The following STX8 variants were observed in gnomAD, a reference collection of about 807,000 sequenced individuals.
STX8 encodes the protein syntaxin-8.
In STX8, 23 loss-of-function variants were observed where a neutral mutation model predicts 37.5. That is an observed-to-expected ratio of 0.61 (90% CI 0.44 to 0.87). STX8 has a LOEUF of 0.87. Among genes scored for constraint, STX8 ranks in the 40% least tolerant of loss-of-function variants. The pLI is 0.00. For missense variants in STX8, 313 were observed against 284.7 expected, an observed-to-expected ratio of 1.10 and a Z score of -0.71; for synonymous variants, 115 against 99.1, an observed-to-expected ratio of 1.16 and a Z score of -0.95.
intron 6 of STX8, among the ~76,000 whole-genome samples, chr17:9,395,477 C>T (rs1012118501): frequency 2.6e-5 from 4 of 152,076 alleles, no homozygotes; most frequent in African/African-American, 9.7e-5. Flanking sequence ...ACTTGGGAGC[C>T]TGAGGCAAGA....
At chr17:9,471,917 T>C (rs953656659) in intron 6 of STX8, among the ~76,000 whole-genome samples, 4 of 152,182 alleles carry the variant, frequency 2.6e-5, no homozygotes, top group African/African-American at 9.7e-5. Flanking sequence ...CCATTCCCGC[T>C]ATTCACAGTA....
chr17:9,413,098 G>GA (rs1344764423), intron 6 of STX8, among the ~76,000 whole-genome samples: 4 of 152,252 alleles, frequency 2.6e-5, no homozygotes, highest in Middle Eastern at 3.4e-3. Context: ...GCTTACTAGA[G>GA]AAAAAAATAC....
chr17:9,323,448 AAT>A (rs1160294087), intron 7 of STX8, among the ~76,000 whole-genome samples: 1 of 152,216 alleles, frequency 6.6e-6, no homozygotes, highest in Non-Finnish European at 1.5e-5. Context: ...ATAAACCACA[AAT>A]ATTCTTAAAA....
At chr17:9,562,467 G>A (rs1246461082) in intron 2 of STX8, among the ~76,000 whole-genome samples, 1 of 151,154 alleles carries the variant, frequency 6.6e-6, no homozygotes, top group African/African-American at 2.4e-5. Context: ...AATGTCAAAT[G>A]ATAAAGGAAA....
rs950252651 is a variant in STX8 at position 9,568,321 on chromosome 17, G to A, written c.117+50C>T. The A allele has an allele frequency of 3.5e-6, 5 of 1,419,198 alleles. No homozygotes were observed. The African/African-American group carries it at 5.6e-5, about 16-fold the overall frequency. The allele number at this position is 1,419,198 out of a possible 1,614,324, so 87.9% of individuals were successfully genotyped here. On this transcript the variant is annotated intron_variant, in intron 2 of 7. Transcript: ENST00000306357. ...CAAAGAAAGATAGGAGGGTTTTCAG[G>A]CCTCAAAACTCAAACAAATCATTGG... is the stretch of plus-strand genomic sequence containing the variant.
chr17:9,253,502 G>A (rs573814982), intron 7 of STX8, among the ~76,000 whole-genome samples: 2 of 152,206 alleles, frequency 1.3e-5, no homozygotes, highest in Admixed American at 6.5e-5. Flanking sequence ...GAAGGTTTAT[G>A]TTGCGCAACA....
chr17:9,487,169 C>T (rs1906634253), intron 6 of STX8, among the ~76,000 whole-genome samples: 1 of 152,174 alleles, frequency 6.6e-6, no homozygotes, highest in African/African-American at 2.4e-5. Flanking sequence ...AATTCCAAAA[C>T]TGAAGATAAT....
chr17:9,264,804 C>T (rs528182781), intron 7 of STX8, among the ~76,000 whole-genome samples: 24 of 152,166 alleles, frequency 1.6e-4, no homozygotes, highest in African/African-American at 5.3e-4. Flanking sequence ...ATAGTAACTT[C>T]GGAAAGTAAA....
At chr17:9,257,575 T>C (rs527924299) in intron 7 of STX8, among the ~76,000 whole-genome samples, 2 of 152,228 alleles carry the variant, frequency 1.3e-5, no homozygotes, top group South Asian at 2.1e-4. Flanking sequence ...AGTAGGCTGA[T>C]GGGAAAGCAA....
intron 4 of STX8, among the ~76,000 whole-genome samples, chr17:9,527,706 A>G (rs1000403284): frequency 1.3e-5 from 2 of 152,184 alleles, no homozygotes; most frequent in South Asian, 2.1e-4. Context: ...CAACAAAACA[A>G]AATCCATCAA....
chr17:9,410,974 G>C (rs74995177), intron 6 of STX8, among the ~76,000 whole-genome samples: 2,622 of 152,274 alleles, frequency 0.017, 87 homozygotes, highest in African/African-American at 0.059. Flanking sequence ...ACTGTGTTAG[G>C]TGCTAATTTG....
chr17:9,291,705 G>A (rs946805861), intron 7 of STX8, among the ~76,000 whole-genome samples: 1 of 151,938 alleles, frequency 6.6e-6, no homozygotes, highest in African/African-American at 2.4e-5. Flanking sequence ...TGTCCTCTTT[G>A]GAATACATAG....
chr17:9,286,463 T>C (rs1908075028), intron 7 of STX8, among the ~76,000 whole-genome samples: 1 of 152,176 alleles, frequency 6.6e-6, no homozygotes, highest in South Asian at 2.1e-4. Context: ...GTACAAACGG[T>C]TCTTTTTCAT....
chr17:9,471,595 T>C (rs1905870132), intron 6 of STX8, among the ~76,000 whole-genome samples: 1 of 152,160 alleles, frequency 6.6e-6, no homozygotes, highest in African/African-American at 2.4e-5. Flanking sequence ...TCTGTTTCAT[T>C]AACACCTGGT....
chr17:9,519,643 C>T (rs1245887794), intron 4 of STX8, among the ~76,000 whole-genome samples: 1 of 152,136 alleles, frequency 6.6e-6, no homozygotes, highest in African/African-American at 2.4e-5. Flanking sequence ...TTCCCTGACT[C>T]CCCAGAAGCT....
At chr17:9,330,148 A>C (rs1178439317) in intron 7 of STX8, among the ~76,000 whole-genome samples, 1 of 152,188 alleles carries the variant, frequency 6.6e-6, no homozygotes, top group East Asian at 1.9e-4. Context: ...AAGTGAGTAA[A>C]GTACTCATAC....
chr17:9,327,353 A>G (rs1467562959), intron 7 of STX8, among the ~76,000 whole-genome samples: 1 of 148,006 alleles, frequency 6.8e-6, no homozygotes, highest in African/African-American at 2.5e-5. Flanking sequence ...GAGGAGGAGA[A>G]GGAGAGGGAG....
At chr17:9,538,311 G>T (rs552049246) in intron 4 of STX8, among the ~76,000 whole-genome samples, 5 of 152,298 alleles carry the variant, frequency 3.3e-5, no homozygotes, top group Admixed American at 6.5e-5. Flanking sequence ...CCTTCTTCTA[G>T]AAGAGTAGGT....
chr17:9,423,873 T>A (rs970498126), intron 6 of STX8, among the ~76,000 whole-genome samples: 1 of 152,142 alleles, frequency 6.6e-6, no homozygotes, highest in Non-Finnish European at 1.5e-5. Flanking sequence ...AATCCTAGTT[T>A]TCCGCTGATT....
Sources: gnomAD v4.1 joint callset for allele counts (sites outside exome capture counted in the v4.1 genomes callset) on GRCh38, gnomAD v4.1.1 for gene constraint, MANE v1.5 for transcripts, NCBI Gene and HGNC (gene_info 2026-07-23, HGNC 2026-07-21) for gene names.